Variants in DPY19L3 observed in about 807,000 individuals in gnomAD.
DPY19L3 encodes protein C-mannosyl-transferase DPY19L3.
A neutral mutation model predicts 92.3 loss-of-function variants in DPY19L3; 51 were observed. The ratio of observed to expected loss-of-function variants is 0.55; its 90% CI spans 0.44 to 0.70. DPY19L3 has a LOEUF of 0.70. DPY19L3 is among the 30% of genes least tolerant of loss of function. The pLI, the probability that DPY19L3 is intolerant of heterozygous loss-of-function variation, is 0.00. For missense variants in DPY19L3, 706 were observed against 855.9 expected (o/e 0.82, Z 2.18); for synonymous variants, 309 against 315.2 (o/e 0.98, Z 0.21).
intron 18 of DPY19L3, chr19:32,480,832 G>T: frequency 2.0e-6 from 1 of 508,912 alleles, no homozygotes; most frequent in Non-Finnish European, 3.4e-6. Flanking sequence ...GTATGATGGG[G>T]CTCTGCATAA....
In DPY19L3 at chr19:32,483,058, A is replaced by G. The variant is rs957300896; in HGVS notation, c.*818A>G. The G allele has an allele frequency of 1.3e-5, 2 of 152,058 alleles. No individual in the cohort carries two copies. The highest frequency in any genetic ancestry group is 2.9e-5 in the Non-Finnish European group (2 of 68,004). The allele number at this position is 152,058 out of a possible 1,614,324, so 9.4% of individuals were successfully genotyped here. On this transcript the variant is annotated 3_prime_UTR_variant, in exon 19 of 19. Transcript: ENST00000392250. Reference sequence around the variant, plus strand: ...TCTCCTGCAGTAATAGTTTTGCTTTATTTCTTACTCATTTCAATTTATTGG... The same window carrying G: ...TCTCCTGCAGTAATAGTTTTGCTTTGTTTCTTACTCATTTCAATTTATTGG...
At chr19:32,418,361 AT>A (rs1364172438) in intron 3 of DPY19L3, among the ~76,000 whole-genome samples, 1 of 152,244 alleles carries the variant, frequency 6.6e-6, no homozygotes, top group Non-Finnish European at 1.5e-5. Context: ...TTTTGCTTAG[AT>A]TCGCTAGATC....
At chr19:32,432,297 T>A (rs1180928176) in intron 3 of DPY19L3, among the ~76,000 whole-genome samples, 2 of 152,216 alleles carry the variant, frequency 1.3e-5, no homozygotes, top group Non-Finnish European at 2.9e-5. Context: ...TTCATGTGTC[T>A]GCCTTATTTG....
Position 32,482,206 on chromosome 19 carries a change from C to A in DPY19L3, c.2117C>A (p.Thr706Asn). 6.2e-7 allele frequency: 1 copy of A among 1,613,584 alleles called. No homozygotes were observed. The highest frequency in any genetic ancestry group is 1.1e-5 in the South Asian group (1 of 90,986). ...TTCACCAGAGTGTTCCAGAACAAAA[C>A]CTTCCACGTTTACAAGCTGTCCAGA... The part of the protein sequence containing the change: ...AYFTRVFQNK[T>N]FHVYKLSRNK Residue 706 changes from threonine (T) to asparagine (N), a missense_variant, in exon 19 of 19, where the codon ACC becomes AAC. Physicochemically the swap from Thr to Asn is moderately conservative, Grantham distance 65 (BLOSUM62 0). Transcript: ENST00000392250.
chr19:32,435,261 A>C (rs1599619975), intron 4 of DPY19L3, among the ~76,000 whole-genome samples: 1 of 151,742 alleles, frequency 6.6e-6, no homozygotes, highest in Admixed American at 6.6e-5. Context: ...ACCCTTTATT[A>C]CCTCCTGTAG....
rs998889956 is a variant in DPY19L3 at position 32,424,333 on chromosome 19, G to T, written c.238-8383G>T. ...AGACCCTGTCTCTAAAAAAAAAAAA[G>T]AAATAAATAAAAAAAAATGGATGGG... is the stretch of plus-strand genomic sequence containing the variant. On this transcript the variant is annotated intron_variant, in intron 3 of 18. Transcript: ENST00000392250. 1.0e-4 allele frequency among the ~76,000 whole-genome samples: 14 copies of T among 136,318 alleles called. 1 individual carries two copies. The highest frequency in any genetic ancestry group is 4.9e-4 in the South Asian group (2 of 4,110). The allele number at this position is 136,318 out of a possible 152,430, so 89.4% of individuals were successfully genotyped here.
At chr19:32,446,357 AAG>A (rs57308086) in intron 8 of DPY19L3, among the ~76,000 whole-genome samples, 17,429 of 152,196 alleles carry the variant, frequency 0.11, 1,486 homozygotes, top group Admixed American at 0.22. Flanking sequence ...AAAAGAATAA[AAG>A]AGCAGATTTA....
chr19:32,438,943 GGATGAT>G (rs61070378), intron 6 of DPY19L3, 163 bp from the exon 7 acceptor site: 102,376 of 686,220 alleles, frequency 0.15, 8,247 homozygotes, highest in Admixed American at 0.17. Flanking sequence ...TATGTTACAG[GGATGAT>G]GATGATGATG....
intron 16 of DPY19L3, among the ~76,000 whole-genome samples, chr19:32,476,834 A>T (rs370535302): frequency 1.3e-5 from 2 of 152,284 alleles, no homozygotes; most frequent in East Asian, 1.9e-4. Flanking sequence ...TATCCCCCAT[A>T]TTAAGTAATA....
At chr19:32,424,642 A>C (rs1447041832) in intron 3 of DPY19L3, among the ~76,000 whole-genome samples, 1 of 152,166 alleles carries the variant, frequency 6.6e-6, no homozygotes, top group East Asian at 1.9e-4. Flanking sequence ...AAACAAAAAA[A>C]GGTCTCTGTA....
intron 8 of DPY19L3, among the ~76,000 whole-genome samples, chr19:32,441,312 C>T (rs1244371749): frequency 6.6e-6 from 1 of 152,076 alleles, no homozygotes; most frequent in East Asian, 1.9e-4. Context: ...TCTATGCAAT[C>T]AAATATTATA....
chr19:32,432,766 CT>C lies in DPY19L3; in HGVS notation c.289del (p.Tyr97ThrfsTer18), dbSNP rs1568334225. 1.2e-6 allele frequency: 2 copies of C among 1,613,856 alleles called. No homozygotes were observed. Among genetic ancestry groups the C allele is most frequent in the South Asian group, 2.2e-5 (2 of 91,066 alleles). ...GAACAGAGTGTGGCCTGTATTACTC[CT>C]ACTACAAGCAGATGCTGCAGGCTCC... is the stretch of plus-strand genomic sequence containing the variant. ...FRTECGLYYSYYKQMLQAPTL... is the reference protein window; with the variant it reads ...FRTECGLYYSXYKQMLQAPTL... On this transcript the variant is annotated frameshift_variant, in exon 4 of 19. Transcript: ENST00000392250. LOFTEE classifies it high-confidence loss of function.
chr19:32,459,437 A>C (rs1969971348), intron 12 of DPY19L3, among the ~76,000 whole-genome samples: 1 of 152,220 alleles, frequency 6.6e-6, no homozygotes, highest in South Asian at 2.1e-4. Flanking sequence ...AGTCCAGAGC[A>C]GTTGAGAGGT....
In DPY19L3 at chr19:32,477,536, GA is replaced by G. The variant is rs1270082894; in HGVS notation, c.1715del (p.Lys572ArgfsTer22). 2 of 1,614,136 alleles carry G rather than the reference GA, an allele frequency of 1.2e-6. No individual in the cohort carries two copies. Among genetic ancestry groups the G allele is most frequent in the Non-Finnish European group, 1.7e-6 (2 of 1,180,028 alleles). On this transcript the variant is annotated frameshift_variant, in exon 17 of 19. Coordinates refer to ENST00000392250, the MANE Select transcript of DPY19L3 (RefSeq NM_001172774.2). LOFTEE classifies it high-confidence loss of function. ...LMNWINSNTPRKAVFAGSMQL... is the reference protein window; with the variant it reads ...LMNWINSNTPXKAVFAGSMQL... ...AAATCTTTCAGCTCTAACACTCCAA[GA>G]AAGGCTGTGTTTGCGGGAAGCATGC...
chr19:32,447,811 A>G (rs1568344031), intron 8 of DPY19L3, among the ~76,000 whole-genome samples: 1 of 110,628 alleles, frequency 9.0e-6, no homozygotes, highest in Non-Finnish European at 1.6e-5. Context: ...TCATAGATAG[A>G]TAGATTAGAT....
chr19:32,453,959 G>A (rs558093657), intron 9 of DPY19L3, among the ~76,000 whole-genome samples: 2 of 151,888 alleles, frequency 1.3e-5, no homozygotes, highest in Non-Finnish European at 2.9e-5. Context: ...AGAAACTTCC[G>A]TGTCAAGAAG....
intron 9 of DPY19L3, among the ~76,000 whole-genome samples, chr19:32,453,932 CCTGTT>C (rs1969785508): frequency 6.6e-6 from 1 of 151,984 alleles, no homozygotes. Context: ...ATTACAACAT[CCTGTT>C]TCACATATGC....
chr19:32,436,694 T>A (rs2145490842), intron 5 of DPY19L3, 127 bp downstream of exon 5: 4 of 868,190 alleles, frequency 4.6e-6, no homozygotes, highest in South Asian at 2.7e-5. Flanking sequence ...AATACTATAT[T>A]TTTTTTCCAT....
chr19:32,433,177 CAGTGCTCCAT>C, intron 4 of DPY19L3, among the ~76,000 whole-genome samples: 1 of 152,256 alleles, frequency 6.6e-6, no homozygotes, highest in East Asian at 1.9e-4. Context: ...CTCTTGTCCC[CAGTGCTCCAT>C]TCATTCCTTT....
Sources: allele counts gnomAD v4.1 joint callset (sites outside exome capture counted in the v4.1 genomes callset), GRCh38; gene constraint gnomAD v4.1.1; transcripts MANE v1.5; gene names NCBI Gene and HGNC (gene_info 2026-07-23, HGNC 2026-07-21).